CAMKMT: variants seen among roughly 807,000 people sequenced by gnomAD.
CAMKMT encodes calmodulin-lysine N-methyltransferase, also known as CaM KMT.
In CAMKMT, 53 loss-of-function variants were observed where a neutral mutation model predicts 48.0. The observed-to-expected ratio is 1.10, with a 90% CI of 0.89 to 1.39. The LOEUF is 1.39. Among genes scored for constraint, CAMKMT ranks in the 40% most tolerant of loss-of-function variants. CAMKMT has a pLI of 0.00. For missense variants in CAMKMT, 428 were observed against 402.7 expected (o/e 1.06, Z -0.54); for synonymous variants, 165 against 152.3 (o/e 1.08, Z -0.61).
chr2:44,628,415 C>G (rs1051544789), intron 3 of CAMKMT, among the ~76,000 whole-genome samples: 1 of 151,862 alleles, frequency 6.6e-6, no homozygotes, highest in African/African-American at 2.4e-5. Context: ...TTTTCAGTTC[C>G]TTATTTCTAA....
intron 3 of CAMKMT, among the ~76,000 whole-genome samples, chr2:44,486,588 C>T (rs1422299448): frequency 3.3e-5 from 5 of 152,160 alleles, no homozygotes; most frequent in Non-Finnish European, 5.9e-5. Context: ...CAAGGTTCTT[C>T]GGGCTGTGGT....
chr2:44,667,979 T>G (rs1675098361), intron 3 of CAMKMT, among the ~76,000 whole-genome samples: 2 of 152,160 alleles, frequency 1.3e-5, no homozygotes, highest in African/African-American at 4.8e-5. Context: ...ACTTCAACAG[T>G]CCAGCTCTAA....
intron 3 of CAMKMT, among the ~76,000 whole-genome samples, chr2:44,619,934 A>G (rs1363164554): frequency 6.6e-6 from 1 of 152,196 alleles, no homozygotes; most frequent in Admixed American, 6.5e-5. Flanking sequence ...ACCCCATGTA[A>G]TCATCACCCA....
At chr2:44,600,054 C>T (rs956715596) in intron 3 of CAMKMT, among the ~76,000 whole-genome samples, 2 of 152,008 alleles carry the variant, frequency 1.3e-5, no homozygotes, top group African/African-American at 4.8e-5. Context: ...CATAAAAACC[C>T]ATGTTGGTTG....
At chr2:44,502,904 A>G (rs1179178457) in intron 3 of CAMKMT, among the ~76,000 whole-genome samples, 5 of 152,182 alleles carry the variant, frequency 3.3e-5, no homozygotes, top group Admixed American at 6.6e-5. Flanking sequence ...GGGGTATAGA[A>G]AACATTTTTT....
At chr2:44,638,139 A>G (rs1172319413) in intron 3 of CAMKMT, among the ~76,000 whole-genome samples, 1 of 151,964 alleles carries the variant, frequency 6.6e-6, no homozygotes, top group Non-Finnish European at 1.5e-5. Context: ...ATGAATATTT[A>G]TGTTTTGCCT....
intron 3 of CAMKMT, among the ~76,000 whole-genome samples, chr2:44,698,296 C>A (rs1677070929): frequency 6.6e-6 from 1 of 152,174 alleles, no homozygotes; most frequent in African/African-American, 2.4e-5. Context: ...TGCCACACTC[C>A]ATCTTTATGA....
intron 3 of CAMKMT, among the ~76,000 whole-genome samples, chr2:44,576,728 C>A (rs1669241602): frequency 6.6e-6 from 1 of 152,078 alleles, no homozygotes; most frequent in African/African-American, 2.4e-5. Flanking sequence ...AGAGAAAGGT[C>A]AAAAATAAAA....
intron 3 of CAMKMT, among the ~76,000 whole-genome samples, chr2:44,601,185 G>C (rs1670966036): frequency 1.3e-5 from 2 of 152,034 alleles, no homozygotes; most frequent in South Asian, 2.1e-4. Flanking sequence ...AAAGTCATAT[G>C]GTGGCTCACG....
chr2:44,597,255 T>C (rs1050089771), intron 3 of CAMKMT, among the ~76,000 whole-genome samples: 1 of 152,226 alleles, frequency 6.6e-6, no homozygotes, highest in African/African-American at 2.4e-5. Flanking sequence ...TAACTCTCTA[T>C]ATAACTAAGT....
intron 2 of CAMKMT, among the ~76,000 whole-genome samples, chr2:44,387,636 T>C (rs1680902731): frequency 1.3e-5 from 2 of 152,228 alleles, no homozygotes; most frequent in South Asian, 4.1e-4. Context: ...GTGTGATTTA[T>C]GCTTTAAAGA....
At chr2:44,501,398 C>T (rs373138795) in intron 3 of CAMKMT, among the ~76,000 whole-genome samples, 1 of 152,074 alleles carries the variant, frequency 6.6e-6, no homozygotes, top group East Asian at 1.9e-4. Context: ...TATAAAGGAA[C>T]AATGGAGAAA....
intron 2 of CAMKMT, among the ~76,000 whole-genome samples, chr2:44,379,993 A>T (rs1339376231): frequency 6.6e-6 from 1 of 152,012 alleles, no homozygotes; most frequent in Non-Finnish European, 1.5e-5. Flanking sequence ...ATGAGGTGTA[A>T]CATGTCTATT....
intron 3 of CAMKMT, among the ~76,000 whole-genome samples, chr2:44,590,837 G>C (rs1247709949): frequency 3.0e-4 from 45 of 151,650 alleles, no homozygotes; most frequent in African/African-American, 1.1e-3. Flanking sequence ...CCATGCCTAT[G>C]TCCTGAATGG....
chr2:44,447,010 C>T (rs1001280696), intron 3 of CAMKMT, among the ~76,000 whole-genome samples: 1 of 152,156 alleles, frequency 6.6e-6, no homozygotes, highest in Non-Finnish European at 1.5e-5. Flanking sequence ...AACTCGTATT[C>T]CTGACAAGCT....
intron 7 of CAMKMT, among the ~76,000 whole-genome samples, chr2:44,729,373 G>A (rs1317043122): frequency 1.3e-5 from 2 of 152,174 alleles, no homozygotes; most frequent in Non-Finnish European, 2.9e-5. Context: ...GAAAATGTCT[G>A]TGTGTCAGGA....
intron 2 of CAMKMT, among the ~76,000 whole-genome samples, chr2:44,384,406 T>C (rs936939986): frequency 2.0e-5 from 3 of 152,128 alleles, no homozygotes; most frequent in Non-Finnish European, 4.4e-5. Context: ...ATTGTGAAGA[T>C]TTTCTCCCAC....
chr2:44,572,983 G>A (rs1669004201), intron 3 of CAMKMT, among the ~76,000 whole-genome samples: 1 of 152,188 alleles, frequency 6.6e-6, no homozygotes, highest in African/African-American at 2.4e-5. Context: ...ATCTTTTCAT[G>A]TGCTGTTTGG....
intron 3 of CAMKMT, among the ~76,000 whole-genome samples, chr2:44,609,860 C>T (rs1411128868): frequency 2.6e-5 from 4 of 152,128 alleles, no homozygotes; most frequent in East Asian, 1.9e-4. Flanking sequence ...CCCACTGCTA[C>T]TGATGGAATT....
Sources: gnomAD v4.1 joint callset for allele counts (sites outside exome capture counted in the v4.1 genomes callset) on GRCh38, gnomAD v4.1.1 for gene constraint, MANE v1.5 for transcripts, NCBI Gene and HGNC (gene_info 2026-07-23, HGNC 2026-07-21) for gene names.